Variants in RAB38 observed in about 807,000 individuals in gnomAD.
RAB38 encodes ras-related protein Rab-38.
Under a neutral mutation model 18.4 loss-of-function variants are expected in RAB38, and 15 were observed. That is an observed-to-expected ratio of 0.82 (90% CI 0.55 to 1.26). The LOEUF is 1.26. Ranked by LOEUF, RAB38 falls within the 50% of genes most tolerant of loss-of-function variation. RAB38 has a pLI of 0.00. For synonymous variants in RAB38, 101 were observed against 104.4 expected (o/e 0.97, Z 0.20); for missense variants, 294 against 267.4 (o/e 1.10, Z -0.69).
chr11:88,167,266 C>T (rs553963064), intron 1 of RAB38: 1 of 152,130 alleles, frequency 6.6e-6, no homozygotes, highest in African/African-American at 2.4e-5. Context: ...GGTAGGTATA[C>T]TGGGGCCACT....
chr11:87,900,613 T>C, the RAB38 span, among the ~76,000 whole-genome samples: 1 of 150,860 alleles, frequency 6.6e-6, no homozygotes, highest in Non-Finnish European at 1.5e-5. Context: ...ATTAATCTAA[T>C]GTTCATCTCT....
the RAB38 span, among the ~76,000 whole-genome samples, chr11:88,010,042 T>G: frequency 6.6e-6 from 1 of 152,196 alleles, no homozygotes; most frequent in East Asian, 1.9e-4. Flanking sequence ...ATTTTGTGTA[T>G]GAAACAAGGT....
intron 1 of RAB38, among the ~76,000 whole-genome samples, chr11:88,169,515 T>C (rs1943283727): frequency 6.6e-6 from 1 of 152,200 alleles, no homozygotes; most frequent in Admixed American, 6.5e-5. Flanking sequence ...ATTGTAAGCC[T>C]GAGCTCATGA....
chr11:87,972,620 C>T, the RAB38 span, among the ~76,000 whole-genome samples: 1 of 152,054 alleles, frequency 6.6e-6, no homozygotes, highest in African/African-American at 2.4e-5. Flanking sequence ...GCAGCTAATT[C>T]CCCTAGTCAA....
the RAB38 span, among the ~76,000 whole-genome samples, chr11:88,012,329 A>G: frequency 1.3e-5 from 2 of 152,182 alleles, no homozygotes; most frequent in Admixed American, 6.6e-5. Context: ...CATTTGTGTC[A>G]GGACATAAGG....
At chr11:87,851,660 A>T in the RAB38 span, among the ~76,000 whole-genome samples, 6 of 152,174 alleles carry the variant, frequency 3.9e-5, no homozygotes, top group African/African-American at 1.4e-4. Flanking sequence ...GTTTCCACTT[A>T]CTGAATTTTA....
chr11:87,956,959 C>A, the RAB38 span, among the ~76,000 whole-genome samples: 1 of 135,344 alleles, frequency 7.4e-6, no homozygotes, highest in Admixed American at 8.2e-5. Flanking sequence ...CCTCATTGAA[C>A]CTAAGTATAA....
At chr11:87,863,015 A>G in the RAB38 span, among the ~76,000 whole-genome samples, 8 of 152,024 alleles carry the variant, frequency 5.3e-5, no homozygotes, top group South Asian at 1.7e-3. Context: ...TCTCTAGGAC[A>G]CAGGCTGAAT....
At chr11:87,972,281 A>C in the RAB38 span, among the ~76,000 whole-genome samples, 1 of 152,102 alleles carries the variant, frequency 6.6e-6, no homozygotes, top group Non-Finnish European at 1.5e-5. Context: ...TTATCTAAAC[A>C]ATTTGAACAC....
chr11:87,856,471 T>C, the RAB38 span, among the ~76,000 whole-genome samples: 2 of 152,166 alleles, frequency 1.3e-5, no homozygotes, highest in African/African-American at 4.8e-5. Flanking sequence ...GCCACAAAAA[T>C]CTGTTCCTTA....
intron 2 of RAB38, among the ~76,000 whole-genome samples, chr11:88,140,757 A>G (rs1942901792): frequency 6.6e-6 from 1 of 152,202 alleles, no homozygotes; most frequent in South Asian, 2.1e-4. Flanking sequence ...AAGCTTGGAG[A>G]AGCAGAAAAA....
At chr11:87,960,728 A>G in the RAB38 span, among the ~76,000 whole-genome samples, 4 of 152,186 alleles carry the variant, frequency 2.6e-5, no homozygotes, top group African/African-American at 9.7e-5. Flanking sequence ...TAAAGTAAAC[A>G]CTGTTCATAA....
the RAB38 span, among the ~76,000 whole-genome samples, chr11:88,061,427 G>A: frequency 1.3e-5 from 2 of 152,150 alleles, no homozygotes; most frequent in African/African-American, 4.8e-5. Flanking sequence ...AAACAAATTT[G>A]GAAAAGACAT....
the RAB38 span, among the ~76,000 whole-genome samples, chr11:88,044,619 G>C: frequency 6.6e-6 from 1 of 152,058 alleles, no homozygotes; most frequent in Non-Finnish European, 1.5e-5. Context: ...AATTATTGCC[G>C]TAAAATGGGC....
chr11:87,882,461 C>A, the RAB38 span, among the ~76,000 whole-genome samples: 2 of 151,806 alleles, frequency 1.3e-5, no homozygotes, highest in Non-Finnish European at 2.9e-5. Context: ...TCAGATGATT[C>A]TAGGACTATC....
At chr11:87,819,823 T>C in the RAB38 span, among the ~76,000 whole-genome samples, 2 of 150,586 alleles carry the variant, frequency 1.3e-5, no homozygotes, top group Non-Finnish European at 3.0e-5. Context: ...TATCCATCCA[T>C]ATTAGAATCC....
intron 1 of RAB38, among the ~76,000 whole-genome samples, chr11:88,174,596 A>G (rs2134863998): frequency 6.9e-6 from 1 of 144,722 alleles, no homozygotes; most frequent in African/African-American, 2.6e-5. Context: ...ACACAAAAGT[A>G]CTTGGCTTAC....
chr11:87,957,010 C>G, the RAB38 span, among the ~76,000 whole-genome samples: 2 of 151,412 alleles, frequency 1.3e-5, no homozygotes, highest in African/African-American at 4.8e-5. Flanking sequence ...GTCCTCATTT[C>G]CGAACGCTCT....
At chr11:88,102,888 A>T in the RAB38 span, among the ~76,000 whole-genome samples, 12 of 152,112 alleles carry the variant, frequency 7.9e-5, no homozygotes, top group South Asian at 2.1e-4. Flanking sequence ...TAAATATTAC[A>T]TTGTTACTCC....
Sources: allele counts gnomAD v4.1 joint callset (sites outside exome capture counted in the v4.1 genomes callset), GRCh38; gene constraint gnomAD v4.1.1; transcripts MANE v1.5; gene names NCBI Gene and HGNC (gene_info 2026-07-23, HGNC 2026-07-21).